The following ABCC9 variants were observed in gnomAD, a reference collection of about 807,000 sequenced individuals.
The protein encoded by ABCC9 is ATP binding cassette subfamily C member 9.
In ABCC9, 95 loss-of-function variants were observed where a neutral mutation model predicts 188.3. That is an observed-to-expected ratio of 0.50 (90% CI 0.43 to 0.60). The LOEUF (loss-of-function observed/expected upper bound fraction) is 0.60, where lower values mean the gene tolerates loss of function less well. Among genes scored for constraint, ABCC9 ranks in the 20% least tolerant of loss-of-function variants. The pLI, the probability that ABCC9 is intolerant of heterozygous loss-of-function variation, is 0.00. For synonymous variants in ABCC9, 659 were observed against 652.7 expected (o/e 1.01, Z -0.15); for missense variants, 1,102 against 1,876.3 (o/e 0.59, Z 7.62).
At chr12:21,842,256 T>C (rs2137370133) in intron 29 of ABCC9, 58 bp downstream of exon 29, 1 of 1,573,896 alleles carries the variant, frequency 6.4e-7, no homozygotes. Flanking sequence ...AACCCATGAA[T>C]AGAGAGGGCT....
intron 39 of ABCC9, among the ~76,000 whole-genome samples, chr12:21,804,378 A>G (rs965977683): frequency 6.6e-6 from 1 of 152,190 alleles, no homozygotes; most frequent in Admixed American, 6.5e-5. Flanking sequence ...CTTCTTTTGA[A>G]TAGGCAATGG....
chr12:21,873,256 G>C (rs1423868841), intron 17 of ABCC9, among the ~76,000 whole-genome samples: 1 of 151,800 alleles, frequency 6.6e-6, no homozygotes, highest in Non-Finnish European at 1.5e-5. Flanking sequence ...AAAATTACTG[G>C]GTTTATTCCT....
chr12:21,902,584 A>G (rs1250586647), intron 12 of ABCC9, among the ~76,000 whole-genome samples: 1 of 152,218 alleles, frequency 6.6e-6, no homozygotes, highest in Non-Finnish European at 1.5e-5. Flanking sequence ...AGAATCAAAT[A>G]GACGCAAAAA....
At chr12:21,842,521 G>C (rs1209174414) in intron 28 of ABCC9, 50 bp from the exon 29 acceptor site, 10 of 1,580,636 alleles carry the variant, frequency 6.3e-6, no homozygotes, top group Non-Finnish European at 8.7e-6. Flanking sequence ...TGAAATATTG[G>C]CTGCAATGTA....
chr12:21,856,134 C>T (rs995038661), intron 22 of ABCC9, among the ~76,000 whole-genome samples: 4 of 152,034 alleles, frequency 2.6e-5, no homozygotes, highest in African/African-American at 4.8e-5. Flanking sequence ...ATTTATATGC[C>T]ATAGCTTCAT....
At chr12:21,818,644 CTTTTTTT>C (rs77782399) in intron 31 of ABCC9, among the ~76,000 whole-genome samples, 4 of 107,356 alleles carry the variant, frequency 3.7e-5, no homozygotes, top group African/African-American at 6.7e-5. Context: ...GTAGGGTTTA[CTTTTTTT>C]TTTTTTTTTT....
rs375711642 is a variant in ABCC9, at chr12:21,884,498, G to T, written c.1912-1625C>A. 1.6e-3 allele frequency among the ~76,000 whole-genome samples: 248 copies of T among 152,256 alleles called. 3 individuals carry two copies. In the South Asian group the frequency reaches 0.032, roughly 20 times the overall value. On this transcript the variant is annotated intron_variant, in intron 15 of 39. Coordinates refer to ENST00000261200, the MANE Select transcript of ABCC9 (RefSeq NM_020297.4). ...TTGTGAAAGTTGTTGGTTTTGGGGG[G>T]TTATTTTTTGGCCTGGAACTGCAGG... is the stretch of plus-strand genomic sequence containing the variant.
At chr12:21,911,505 A>G (rs759477650) in intron 8 of ABCC9, among the ~76,000 whole-genome samples, 7 of 152,000 alleles carry the variant, frequency 4.6e-5, no homozygotes, top group Non-Finnish European at 1.0e-4. Flanking sequence ...CAGTAACAAA[A>G]CATAACTTAC....
intron 4 of ABCC9, 67 bp from the exon 5 acceptor site, chr12:21,926,130 T>G: frequency 6.2e-7 from 1 of 1,607,272 alleles, no homozygotes; most frequent in Non-Finnish European, 8.5e-7. Context: ...TTTTTTCAAA[T>G]TTTTTCATAA....
chr12:21,812,277 A>G (rs1306024608), intron 35 of ABCC9, 120 bp from the exon 36 acceptor site: 2 of 743,628 alleles, frequency 2.7e-6, no homozygotes, highest in Non-Finnish European at 4.7e-6. Flanking sequence ...CCACTTTTCC[A>G]TTTAAGCATG....
chr12:21,925,386 G>A, intron 5 of ABCC9: 1 of 593,924 alleles, frequency 1.7e-6, no homozygotes, highest in Non-Finnish European at 3.1e-6. Flanking sequence ...AGGTGCGAAA[G>A]GCCGTGATGT....
At chr12:21,934,100 A>G (rs1174942024) in intron 3 of ABCC9, among the ~76,000 whole-genome samples, 177 bp from the exon 4 acceptor site, 2 of 152,106 alleles carry the variant, frequency 1.3e-5, no homozygotes, top group Non-Finnish European at 2.9e-5. Context: ...AAGAATTACA[A>G]TTAACTTTTA....
Position 21,807,331 on chromosome 12 carries a change from A to G in ABCC9, c.4449+15T>C. The G allele has an allele frequency of 2.5e-6, 4 of 1,613,800 alleles. No individual in the cohort carries two copies. Among genetic ancestry groups the G allele is most frequent in the Non-Finnish European group, 2.5e-6 (3 of 1,179,698 alleles). On this transcript the variant is annotated intron_variant, in intron 38 of 39. Transcript: ENST00000261200. ...TCCAATTCGTCAATTTTAAAAGCTTAGATAATGCACTCACTGTGGCCATGT... is the reference window on the plus strand; with the variant it reads ...TCCAATTCGTCAATTTTAAAAGCTTGGATAATGCACTCACTGTGGCCATGT...
chr12:21,826,543 C>G (rs1943391179), intron 31 of ABCC9, among the ~76,000 whole-genome samples: 1 of 152,112 alleles, frequency 6.6e-6, no homozygotes, highest in South Asian at 2.1e-4. Flanking sequence ...GGCATATGTT[C>G]TTGGATTATA....
intron 17 of ABCC9, 79 bp from the exon 18 acceptor site, chr12:21,872,809 G>A: frequency 8.6e-7 from 1 of 1,169,522 alleles, no homozygotes; most frequent in South Asian, 1.2e-5. Flanking sequence ...TTTAGAAAAA[G>A]CTAATGTTTT....
At chr12:21,910,546 T>C (rs1948271123) in intron 9 of ABCC9, among the ~76,000 whole-genome samples, 1 of 151,934 alleles carries the variant, frequency 6.6e-6, no homozygotes, top group Non-Finnish European at 1.5e-5. Context: ...AATAAAAACA[T>C]GCATTAAACT....
chr12:21,872,720 G>A lies in ABCC9; in HGVS notation c.2103C>T (p.Thr701=). The change falls in exon 18 of 40, where the codon ACC becomes ACT. Residue 701 remains threonine (T), a synonymous_variant. Transcript: ENST00000261200. ...IDIRIPTGQL[T]MIVGQVGCGK... ...CACATCCTACTTGGCCCACAATCAT[G>A]GTTAACTGACCTAGGAAAGCAAAAC... The A allele has an allele frequency of 6.2e-7, 1 of 1,613,020 alleles. No individual in the cohort carries two copies. Among genetic ancestry groups the A allele is most frequent in the Non-Finnish European group, 8.5e-7 (1 of 1,179,172 alleles).
intron 21 of ABCC9, 51 bp from the exon 22 acceptor site, chr12:21,859,717 C>A (rs760633381): frequency 2.0e-6 from 3 of 1,480,920 alleles, no homozygotes; most frequent in Non-Finnish European, 2.8e-6. Context: ...AGTAAATGAT[C>A]TTTTGGTAAT....
At chr12:21,936,273 A>G (rs1430157676) in intron 3 of ABCC9, among the ~76,000 whole-genome samples, 2 of 152,142 alleles carry the variant, frequency 1.3e-5, no homozygotes, top group African/African-American at 4.8e-5. Flanking sequence ...TCTATCTCAT[A>G]TATTTCTCTT....
Sources: gnomAD v4.1 joint callset for allele counts (sites outside exome capture counted in the v4.1 genomes callset) on GRCh38, gnomAD v4.1.1 for gene constraint, MANE v1.5 for transcripts, NCBI Gene and HGNC (gene_info 2026-07-23, HGNC 2026-07-21) for gene names.